TYRP1: variants seen among roughly 807,000 people sequenced by gnomAD.
The protein encoded by TYRP1 is 5,6-dihydroxyindole-2-carboxylic acid oxidase.
A neutral mutation model predicts 42.8 loss-of-function variants in TYRP1; 49 were observed. The observed-to-expected ratio is 1.14, with a 90% confidence interval of 0.91 to 1.45. TYRP1 has a LOEUF of 1.45. Among genes scored for constraint, TYRP1 ranks in the 40% most tolerant of loss-of-function variants. The probability of loss-of-function intolerance (pLI) is 0.00; values close to 1 mark genes in which losing one functional copy is unlikely to be tolerated. For synonymous variants in TYRP1, 279 were observed against 235.4 expected (o/e 1.19, Z -1.69); for missense variants, 848 against 662.0 (o/e 1.28, Z -3.08).
Position 12,708,038 on chromosome 9 carries a change from A to C in TYRP1, c.1303A>C (p.Asn435His), listed in dbSNP as rs141949653. ...ATTGGAAAATGCCCCTATTGGACAT[A>C]ATAGACAATACAACATGGTGCCATT... ...FPLENAPIGH[N>H]RQYNMVPFWP... Residue 435 changes from asparagine to histidine, a missense_variant, in exon 7 of 8, where the codon AAT becomes CAT. Physicochemically the swap from Asn to His is moderately conservative, Grantham distance 68. Transcript: ENST00000388918. 7.4e-6 allele frequency: 12 copies of C among 1,612,552 alleles called. No individual in the cohort carries two copies. The African/African-American group carries it at 1.5e-4, about 20-fold the overall frequency.
Position 12,710,076 on chromosome 9 carries a change from A to ATATT in TYRP1, c.*895_*898dup, listed in dbSNP as rs757338871. 25 of 151,904 alleles carry ATATT rather than the reference A, an allele frequency of 1.6e-4. No homozygotes were observed. The highest frequency in any genetic ancestry group is 2.9e-4 in the Non-Finnish European group (20 of 67,812). 9.4% of individuals were successfully genotyped at this position (151,904 alleles called of 1,614,324 possible). On this transcript the variant is annotated 3_prime_UTR_variant, in exon 8 of 8. Transcript: ENST00000388918. ...GCCTTTTATGTATTTTCCAAGTAAA[A>ATATT]TATTAACATATTATTTCATTGGTCT...
Position 12,698,474 on chromosome 9 carries a change from C to A in TYRP1, c.732C>A (p.Phe244Leu). 6.2e-7 allele frequency: 1 copy of A among 1,613,722 alleles called. No individual in the cohort carries two copies. Among genetic ancestry groups the A allele is most frequent in the Non-Finnish European group, 8.5e-7 (1 of 1,179,742 alleles). Residue 244 changes from phenylalanine to leucine, a missense_variant, in exon 4 of 8, where the codon TTC becomes TTA. Physicochemically the swap from Phe to Leu is conservative, Grantham distance 22 (BLOSUM62 0). Transcript: ENST00000388918. ...DMQEMLQEPS[F>L]SLPYWNFATG... is the part of the protein sequence containing the mutation. ...AGGAAATGTTGCAAGAGCCTTCTTT[C>A]TCCCTTCCTTACTGGAATTTTGCAA...
rs1308213180 is a variant in TYRP1, at chr9:12,709,416, A to T, written c.*234A>T. On this transcript the variant is annotated 3_prime_UTR_variant, in exon 8 of 8. Transcript: ENST00000388918. ...ATGGTGAATGACACTAAACTCCATG[A>T]TATTTAAGGATAGTGTGAAGATCTT... 4 of 526,274 alleles carry T rather than the reference A, an allele frequency of 7.6e-6. No individual in the cohort carries two copies. The highest frequency in any genetic ancestry group is 5.8e-5 in the African/African-American group (3 of 52,132). The allele number at this position is 526,274 out of a possible 1,614,324, so 32.6% of individuals were successfully genotyped here.
At chr9:12,694,635 G>T in intron 2 of TYRP1, 2 of 542,060 alleles carry the variant, frequency 3.7e-6, no homozygotes, top group South Asian at 2.1e-5. Context: ...CCTAGGAACT[G>T]TGTTAGGTAT....
In TYRP1 at chr9:12,704,035, T is replaced by C. The variant is rs189165115; in HGVS notation, c.1082-491T>C. ...AAGATGGAAAGAAAGCCCTGAGGAATTGTAGCTTCCCCACAAAAAATAGTT... is the reference window on the plus strand; with the variant it reads ...AAGATGGAAAGAAAGCCCTGAGGAACTGTAGCTTCCCCACAAAAAATAGTT... On this transcript the variant is annotated intron_variant, in intron 5 of 7. Transcript: ENST00000388918. 1.7e-3 allele frequency among the ~76,000 whole-genome samples: 264 copies of C among 151,966 alleles called. 2 individuals are homozygous for C. Among genetic ancestry groups the C allele is most frequent in the African/African-American group, 5.9e-3 (245 of 41,478 alleles).
rs535550031 is a variant in TYRP1, at chr9:12,697,479, T to C, written c.709-972T>C. 2.0e-5 allele frequency among the ~76,000 whole-genome samples: 3 copies of C among 152,230 alleles called. No homozygotes were observed. In the South Asian group the frequency reaches 6.2e-4, roughly 32 times the overall value. ...ACCCCTGGAGACCAATAACTGGGGA[T>C]AACTTGGAAAGCTTTTGGCTCTCTA... On this transcript the variant is annotated intron_variant, in intron 3 of 7. Transcript: ENST00000388918.
chr9:12,707,856 A>ACTT, intron 6 of TYRP1, 141 bp from the exon 7 acceptor site: 1 of 768,986 alleles, frequency 1.3e-6, no homozygotes, highest in Non-Finnish European at 2.1e-6. Flanking sequence ...CTGTAGTGAA[A>ACTT]CTTCATATCT....
rs561383131 is a variant in TYRP1, at chr9:12,710,252, A to AAAT, written c.*1073_*1075dup. 92 of 103,668 alleles carry AAAT rather than the reference A, an allele frequency of 8.9e-4. No individual in the cohort carries two copies. The highest frequency in any genetic ancestry group is 2.3e-3 in the African/African-American group (88 of 38,458). 6.4% of individuals were successfully genotyped at this position (103,668 alleles called of 1,614,324 possible). On this transcript the variant is annotated 3_prime_UTR_variant, in exon 8 of 8. Coordinates refer to ENST00000388918, the MANE Select transcript of TYRP1 (RefSeq NM_000550.3). Reference sequence around the variant, plus strand: ...TGAATATTTTAATTAAAATTGGTAAAAATAAATAATAACAGTAATAATCAT... The same window carrying AAAT: ...TGAATATTTTAATTAAAATTGGTAAAAATAATAAATAATAACAGTAATAATCAT...
rs751236662 is a variant in TYRP1 at position 12,709,594 on chromosome 9, A to AT, written c.*414dup. ...AATGTTAAAACATAAACACATTTCCATTCATGGATATTTGTCAACAGATTT... is the reference window on the plus strand; with the variant it reads ...AATGTTAAAACATAAACACATTTCCATTTCATGGATATTTGTCAACAGATTT... On this transcript the variant is annotated 3_prime_UTR_variant, in exon 8 of 8. Transcript: ENST00000388918. The AT allele has an allele frequency of 1.2e-4, 22 of 178,360 alleles. No homozygotes were observed. Among genetic ancestry groups the AT allele is most frequent in the Middle Eastern group, 2.8e-3 (1 of 362 alleles). 11.0% of individuals were successfully genotyped at this position (178,360 alleles called of 1,614,324 possible).
chr9:12,709,250 T>TTAAC lies in TYRP1; in HGVS notation c.*70_*73dup, dbSNP rs1261667997. The TTAAC allele has an allele frequency of 9.8e-6, 14 of 1,433,270 alleles. No individual in the cohort carries two copies. Among genetic ancestry groups the TTAAC allele is most frequent in the Non-Finnish European group, 1.2e-5 (12 of 1,019,750 alleles). 88.8% of individuals were successfully genotyped at this position (1,433,270 alleles called of 1,614,324 possible). On this transcript the variant is annotated 3_prime_UTR_variant, in exon 8 of 8. Transcript: ENST00000388918. ...TGGTTGAATATAATAGATTGAGTTA[T>TTAAC]TAACTGTATTTTCTTTCACTTTATT...
rs886063416 is a variant in TYRP1 at position 12,709,773 on chromosome 9, G to C, written c.*591G>C. The C allele has an allele frequency of 6.6e-6, 1 of 152,004 alleles. No homozygotes were observed. The highest frequency in any genetic ancestry group is 2.4e-5 in the African/African-American group (1 of 41,270). The allele number at this position is 152,004 out of a possible 1,614,324, so 9.4% of individuals were successfully genotyped here. A position where few individuals can be genotyped will look rare whatever the true frequency, so the allele number is the denominator to read the frequency against. ...TATACTATTTAGTCTCAGGTTCAAG[G>C]CTACAACAAAAATCACCATCTTTGT... On this transcript the variant is annotated 3_prime_UTR_variant, in exon 8 of 8. Transcript: ENST00000388918.
chr9:12,698,883 TG>T (rs1451018983), intron 4 of TYRP1, among the ~76,000 whole-genome samples: 1 of 152,094 alleles, frequency 6.6e-6, no homozygotes, highest in East Asian at 1.9e-4. Context: ...CTGCCTTTCT[TG>T]AGTAGTTTGG....
Position 12,702,454 on chromosome 9 carries a change from C to A in TYRP1, c.1081+16C>A. ...ACAGTGGAAGGCAAGTAAATGAAAT[C>A]AGTATTTTTAAAAGATCTAGTTATC... On this transcript the variant is annotated intron_variant, in intron 5 of 7. Coordinates refer to ENST00000388918, the MANE Select transcript of TYRP1 (RefSeq NM_000550.3). 1.2e-6 allele frequency: 2 copies of A among 1,610,636 alleles called. No homozygotes were observed. Among genetic ancestry groups the A allele is most frequent in the South Asian group, 2.2e-5 (2 of 90,832 alleles).
At chr9:12,702,238 G>A (rs1818180719) in intron 4 of TYRP1, 33 bp from the exon 5 acceptor site, 1 of 1,606,764 alleles carries the variant, frequency 6.2e-7, no homozygotes, top group Non-Finnish European at 8.5e-7. Flanking sequence ...CAAACATTGT[G>A]TAAATGTTTC....
At position 12,709,429 on chromosome 9, in the gene TYRP1, G is replaced by C; in HGVS notation, c.*247G>C. The C allele has an allele frequency of 2.0e-6, 1 of 504,722 alleles. No homozygotes were observed. Among genetic ancestry groups the C allele is most frequent in the African/African-American group, 1.9e-5 (1 of 51,706 alleles). The allele number at this position is 504,722 out of a possible 1,614,324, so 31.3% of individuals were successfully genotyped here. On this transcript the variant is annotated 3_prime_UTR_variant, in exon 8 of 8. Transcript: ENST00000388918. Reference sequence around the variant, plus strand: ...CTAAACTCCATGATATTTAAGGATAGTGTGAAGATCTTTGGCATGATTTAA... The same window carrying C: ...CTAAACTCCATGATATTTAAGGATACTGTGAAGATCTTTGGCATGATTTAA...
At chr9:12,708,617 A>AATCTT (rs1554648492) in intron 7 of TYRP1, among the ~76,000 whole-genome samples, 1 of 151,922 alleles carries the variant, frequency 6.6e-6, no homozygotes, top group African/African-American at 2.4e-5. Context: ...TTTTTGTTTA[A>AATCTT]ATCTTTTCCC....
At chr9:12,700,659 T>C (rs1818152305) in intron 4 of TYRP1, 1 of 152,096 alleles carries the variant, frequency 6.6e-6, no homozygotes, top group Admixed American at 6.6e-5. Context: ...TTATTTTTTA[T>C]ATAAACTAGT....
At position 12,709,044 on chromosome 9, in the gene TYRP1, C is replaced by T. The variant is rs1412690130; in HGVS notation, c.1476C>T (p.Leu492=). The change falls in exon 8 of 8, where the codon CTC becomes CTT. Residue 492 remains leucine (L), a synonymous_variant. Transcript: ENST00000388918. ...AVVGALLLVA[L]IFGTASYLIR... ...TTGGCGCTTTGTTACTGGTTGCACT[C>T]ATTTTTGGGACTGCTTCTTATCTGA... is the stretch of plus-strand genomic sequence containing the variant. 1 of 1,612,786 alleles carries T rather than the reference C, an allele frequency of 6.2e-7. No homozygotes were observed. Among genetic ancestry groups the T allele is most frequent in the Non-Finnish European group, 8.5e-7 (1 of 1,179,268 alleles).
chr9:12,702,185 T>A, intron 4 of TYRP1, 86 bp from the exon 5 acceptor site: 1 of 1,399,456 alleles, frequency 7.1e-7, no homozygotes, highest in Non-Finnish European at 1.0e-6. Context: ...ATATTTCATA[T>A]TCATGCTATG....
Sources: gnomAD v4.1 joint callset for allele counts (sites outside exome capture counted in the v4.1 genomes callset) on GRCh38, gnomAD v4.1.1 for gene constraint, MANE v1.5 for transcripts, NCBI Gene and HGNC (gene_info 2026-07-23, HGNC 2026-07-21) for gene names.